DCDC1: variants seen among roughly 807,000 people sequenced by gnomAD.
DCDC1 encodes doublecortin domain containing 1.
In DCDC1, 200 loss-of-function variants were observed where a neutral mutation model predicts 178.3. That is an observed-to-expected ratio of 1.12 (90% confidence interval 1.00 to 1.26). DCDC1 has a LOEUF of 1.26. DCDC1 is among the 50% of genes most tolerant of loss of function. DCDC1 has a pLI of 0.00. For synonymous variants in DCDC1, 690 were observed against 604.8 expected, an observed-to-expected ratio of 1.14 and a Z score of -2.07; for missense variants, 1,983 against 1,749.2, an observed-to-expected ratio of 1.13 and a Z score of -2.38.
At chr11:31,262,284 A>G (rs1378306427) in intron 8 of DCDC1, among the ~76,000 whole-genome samples, 1 of 151,628 alleles carries the variant, frequency 6.6e-6, no homozygotes. Context: ...AAAAAAAAAA[A>G]TTGTCTATGG....
intron 6 of DCDC1, among the ~76,000 whole-genome samples, chr11:31,294,716 A>G (rs868077276): frequency 1.4e-5 from 1 of 72,772 alleles, no homozygotes; most frequent in African/African-American, 4.3e-5. Flanking sequence ...GAGAGGGAGG[A>G]AGGAAGGAAG....
At chr11:31,367,093 C>T (rs117714133) in intron 1 of DCDC1, among the ~76,000 whole-genome samples, 5,568 of 152,202 alleles carry the variant, frequency 0.037, 124 homozygotes, top group Non-Finnish European at 0.051. Flanking sequence ...CTCAAGAGTT[C>T]CAGACCAGCC....
chr11:31,081,453 CA>C (rs1218561120), intron 17 of DCDC1, among the ~76,000 whole-genome samples: 5 of 151,718 alleles, frequency 3.3e-5, no homozygotes, highest in African/African-American at 1.2e-4. Flanking sequence ...ACTAAAAATA[CA>C]AAAAAATTAG....
At chr11:31,211,846 G>T (rs1972573454) in intron 9 of DCDC1, among the ~76,000 whole-genome samples, 1 of 152,088 alleles carries the variant, frequency 6.6e-6, no homozygotes, top group Admixed American at 6.6e-5. Context: ...ACTTTGGAAG[G>T]CCGAGGCAGG....
At chr11:30,920,281 T>TA (rs1210428389) in intron 25 of DCDC1, among the ~76,000 whole-genome samples, 1 of 152,052 alleles carries the variant, frequency 6.6e-6, no homozygotes, top group Non-Finnish European at 1.5e-5. Flanking sequence ...TAGGTACCCT[T>TA]AAAAAACTAT....
intron 20 of DCDC1, among the ~76,000 whole-genome samples, chr11:31,044,495 A>G (rs2135372683): frequency 6.6e-6 from 1 of 151,736 alleles, no homozygotes; most frequent in Non-Finnish European, 1.5e-5. Context: ...AAAAAAAAAA[A>G]AAAGCACAGC....
chr11:31,315,646 C>CTTT (rs59083470), intron 3 of DCDC1, among the ~76,000 whole-genome samples: 23,943 of 111,558 alleles, frequency 0.21, 1,935 homozygotes, highest in African/African-American at 0.25. Context: ...ATCTGCATAC[C>CTTT]TTTTTTTTTT....
chr11:31,108,070 G>C (rs143071720), intron 12 of DCDC1, among the ~76,000 whole-genome samples: 1 of 152,242 alleles, frequency 6.6e-6, no homozygotes, highest in African/African-American at 2.4e-5. Context: ...ATGCATCTCA[G>C]GTGTCTCACG....
At chr11:31,051,390 GA>G (rs1160889134) in intron 20 of DCDC1, among the ~76,000 whole-genome samples, 3 of 152,140 alleles carry the variant, frequency 2.0e-5, no homozygotes, top group African/African-American at 7.2e-5. Flanking sequence ...CAAAATCCTG[GA>G]AAACATATTT....
chr11:30,957,563 A>T (rs1027080796), intron 20 of DCDC1, among the ~76,000 whole-genome samples: 2 of 152,204 alleles, frequency 1.3e-5, no homozygotes, highest in Non-Finnish European at 2.9e-5. Flanking sequence ...ATTCTGTGTT[A>T]AGTCTCTGGT....
chr11:31,290,978 T>C, intron 6 of DCDC1, 126 bp from the exon 7 acceptor site: 1 of 823,262 alleles, frequency 1.2e-6, no homozygotes, highest in East Asian at 2.7e-5. Context: ...ATGCTGGTTT[T>C]CTGAAATGCT....
chr11:31,137,665 A>G (rs1963317842), intron 10 of DCDC1, 27 bp downstream of exon 10: 3 of 701,070 alleles, frequency 4.3e-6, no homozygotes, highest in Non-Finnish European at 7.8e-6. Flanking sequence ...CAGTTTTAAA[A>G]TACAGTTTAC....
In DCDC1 at chr11:30,877,565, C is replaced by A. The variant is rs529346034; in HGVS notation, c.*40+979G>T. ...TTTTCTTTTAAATAGTGCATATATC[C>A]TTTCCCTAAGTTTTTGAATTGAGGA... On this transcript the variant is annotated intron_variant, in intron 38 of 38. Coordinates refer to ENST00000684477, the MANE Select transcript of DCDC1 (RefSeq NM_001387274.1). Among the ~76,000 whole-genome samples the A allele has an allele frequency of 9.9e-5, 15 of 152,170 alleles. No homozygotes were observed. The South Asian group carries it at 3.1e-3, about 32-fold the overall frequency.
rs1392683202 is a variant in DCDC1, at chr11:30,873,356, T to TAGAG, written c.*40+5187_*40+5188insCTCT. ...GTGTGTGTATATACATATATATATA[T>TAGAG]ATATATATAGAGAGAGAGAGAGAGA... On this transcript the variant is annotated intron_variant, in intron 38 of 38. Transcript: ENST00000684477. Among the ~76,000 whole-genome samples, 683 of 138,666 alleles carry TAGAG rather than the reference T, an allele frequency of 4.9e-3. 6 individuals are homozygous for TAGAG. Among genetic ancestry groups the TAGAG allele is most frequent in the African/African-American group, 0.016 (539 of 34,694 alleles). 91.0% of individuals were successfully genotyped at this position (138,666 alleles called of 152,430 possible).
At chr11:31,094,403 T>C (rs930641007) in intron 15 of DCDC1, among the ~76,000 whole-genome samples, 2 of 152,174 alleles carry the variant, frequency 1.3e-5, no homozygotes, top group Non-Finnish European at 2.9e-5. Context: ...TGGAATATTA[T>C]AAAATATTTT....
chr11:31,092,737 C>T (rs1431698815), intron 16 of DCDC1, among the ~76,000 whole-genome samples: 1 of 152,124 alleles, frequency 6.6e-6, no homozygotes, highest in Non-Finnish European at 1.5e-5. Flanking sequence ...TGAGAATGGA[C>T]CTTCCATAGC....
intron 7 of DCDC1, among the ~76,000 whole-genome samples, chr11:31,270,967 T>C (rs1945507630): frequency 6.6e-6 from 1 of 152,198 alleles, no homozygotes; most frequent in Non-Finnish European, 1.5e-5. Context: ...CTATCATTCA[T>C]GATCACCAAC....
chr11:31,029,957 C>CTT (rs1953509558), intron 20 of DCDC1, among the ~76,000 whole-genome samples: 2 of 152,100 alleles, frequency 1.3e-5, no homozygotes, highest in Non-Finnish European at 2.9e-5. Flanking sequence ...AGCCCCCCTC[C>CTT]ATGTAAGATG....
chr11:31,077,864 C>T lies in DCDC1; in HGVS notation c.2298+1G>A, dbSNP rs748636507. Reference sequence around the variant, plus strand: ...AAAGCTGTGGATTATAAAGTCCTTACCTTTGAATAAATGCAACCATCAGTT... The same window carrying T: ...AAAGCTGTGGATTATAAAGTCCTTATCTTTGAATAAATGCAACCATCAGTT... On this transcript the variant is annotated splice_donor_variant, in intron 18 of 38. Transcript: ENST00000684477. LOFTEE classifies it high-confidence loss of function. The T allele has an allele frequency of 2.7e-5, 21 of 766,074 alleles. No individual in the cohort carries two copies. In the Middle Eastern group the frequency reaches 6.8e-4, roughly 25 times the overall value. The allele number at this position is 766,074 out of a possible 1,614,324, so 47.5% of individuals were successfully genotyped here.
Sources: allele counts gnomAD v4.1 joint callset (sites outside exome capture counted in the v4.1 genomes callset), GRCh38; gene constraint gnomAD v4.1.1; transcripts MANE v1.5; gene names NCBI Gene and HGNC (gene_info 2026-07-23, HGNC 2026-07-21).